The following ESRRG variants were observed in gnomAD, a reference collection of about 807,000 sequenced individuals.
ESRRG encodes the protein estrogen-related receptor gamma.
Under a neutral mutation model 44.0 loss-of-function variants are expected in ESRRG, and 13 were observed. That is an observed-to-expected ratio of 0.30 (90% confidence interval 0.19 to 0.47). ESRRG has a LOEUF of 0.47. ESRRG is among the 20% of genes least tolerant of loss of function. ESRRG has a pLI of 1.00. For synonymous variants in ESRRG, 215 were observed against 214.6 expected (o/e 1.00, Z -0.02); for missense variants, 395 against 580.6 (o/e 0.68, Z 3.29).
intron 2 of ESRRG, among the ~76,000 whole-genome samples, chr1:216,868,496 T>G (rs1411634588): frequency 6.6e-6 from 1 of 152,206 alleles, no homozygotes; most frequent in African/African-American, 2.4e-5. Context: ...TTTACAGTTT[T>G]GGACAGTTAC....
intron 1 of ESRRG, among the ~76,000 whole-genome samples, chr1:217,001,642 G>A (rs773442404): frequency 6.6e-6 from 1 of 152,102 alleles, no homozygotes; most frequent in Non-Finnish European, 1.5e-5. Context: ...TAAGATAACG[G>A]CAAGTCTGGT....
At chr1:216,690,344 A>G (rs2078839399) in intron 1 of ESRRG, among the ~76,000 whole-genome samples, 1 of 152,076 alleles carries the variant, frequency 6.6e-6, no homozygotes, top group Admixed American at 6.6e-5. Flanking sequence ...GATAAATGCA[A>G]TGACATGGCT....
chr1:216,937,045 T>C (rs951870948), intron 2 of ESRRG, among the ~76,000 whole-genome samples: 1 of 152,084 alleles, frequency 6.6e-6, no homozygotes, highest in Non-Finnish European at 1.5e-5. Flanking sequence ...GGTTTTTCCC[T>C]TGTAATTGGT....
chr1:216,955,519 C>T (rs1321155402), intron 1 of ESRRG, among the ~76,000 whole-genome samples: 1 of 149,750 alleles, frequency 6.7e-6, no homozygotes, highest in Non-Finnish European at 1.5e-5. Flanking sequence ...GTAGATATCT[C>T]TTTGATATGC....
At chr1:216,736,696 C>T (rs1394592971) in intron 2 of ESRRG, among the ~76,000 whole-genome samples, 4 of 152,054 alleles carry the variant, frequency 2.6e-5, no homozygotes, top group Non-Finnish European at 4.4e-5. Flanking sequence ...AAGAGGGAAC[C>T]GGTGCAGAGA....
At chr1:217,072,711 T>TG (rs386369651) in intron 1 of ESRRG, among the ~76,000 whole-genome samples, 4 of 72,372 alleles carry the variant, frequency 5.5e-5, no homozygotes, top group African/African-American at 1.5e-4. Flanking sequence ...GGTGTGTGTG[T>TG]TTTTTCTCCT....
At chr1:216,726,747 A>G (rs1209746748), upstream of ESRRG, among the ~76,000 whole-genome samples, 1 of 152,142 alleles carries the variant, frequency 6.6e-6, no homozygotes, top group Non-Finnish European at 1.5e-5. Flanking sequence ...CATAGTTTCA[A>G]TCTCTTCTTC....
At chr1:216,699,613 T>A (rs2080986044) in intron 1 of ESRRG, among the ~76,000 whole-genome samples, 1 of 152,042 alleles carries the variant, frequency 6.6e-6, no homozygotes, top group Admixed American at 6.6e-5. Flanking sequence ...TGGGTGTGAA[T>A]AAGTCATTGT....
chr1:216,770,195 G>A lies in ESRRG; in HGVS notation c.-13-92704C>T, dbSNP rs181510682. Among the ~76,000 whole-genome samples the A allele has an allele frequency of 3.5e-3, 540 of 152,128 alleles. 3 individuals carry two copies. The highest frequency in any genetic ancestry group is 0.012 in the African/African-American group (517 of 41,546). On this transcript the variant is annotated intron_variant, in intron 2 of 7. Transcript: ENST00000359162. ...GTCTTTTGGTGGGCTAATAACTGGA[G>A]TTCAAGGGTGCACATCACTTAGGAA... is the stretch of plus-strand genomic sequence containing the variant.
intron 2 of ESRRG, among the ~76,000 whole-genome samples, chr1:216,757,425 A>C (rs928727473): frequency 5.9e-5 from 9 of 152,106 alleles, no homozygotes; most frequent in African/African-American, 2.2e-4. Flanking sequence ...CTTTTCATTA[A>C]TATATTTCTT....
At chr1:217,087,549 T>G (rs1336872396) in intron 1 of ESRRG, among the ~76,000 whole-genome samples, 2 of 152,148 alleles carry the variant, frequency 1.3e-5, no homozygotes, top group African/African-American at 4.8e-5. Flanking sequence ...CAAACTCCCC[T>G]GGCTCCCCAG....
At position 216,821,517 on chromosome 1, in the gene ESRRG, C is replaced by T. The variant is rs1050864369; in HGVS notation, c.-14+118065G>A. ...CCTTGGCAACATAGTGAGACCCTGTCTCTATAAAAATGTATAAATTAGCCG... is the reference window on the plus strand; with the variant it reads ...CCTTGGCAACATAGTGAGACCCTGTTTCTATAAAAATGTATAAATTAGCCG... On this transcript the variant is annotated intron_variant, in intron 2 of 7. Transcript: ENST00000359162. 3.6e-4 allele frequency among the ~76,000 whole-genome samples: 54 copies of T among 151,322 alleles called. 1 individual carries two copies. Among genetic ancestry groups the T allele is most frequent in the Admixed American group, 3.3e-3 (50 of 15,148 alleles).
intron 1 of ESRRG, among the ~76,000 whole-genome samples, chr1:217,006,255 TATG>T (rs1324867834): frequency 6.6e-6 from 1 of 152,134 alleles, no homozygotes; most frequent in Admixed American, 6.6e-5. Flanking sequence ...AACTGAATAA[TATG>T]ATGATTAGGT....
At chr1:217,080,756 C>A (rs2091693573) in intron 1 of ESRRG, among the ~76,000 whole-genome samples, 1 of 137,134 alleles carries the variant, frequency 7.3e-6, no homozygotes, top group Non-Finnish European at 1.5e-5. Context: ...TGGCTCACTG[C>A]AAGCTTCGCC....
chr1:216,901,440 T>G (rs1293387502), intron 2 of ESRRG, among the ~76,000 whole-genome samples: 3 of 152,150 alleles, frequency 2.0e-5, no homozygotes, highest in East Asian at 3.9e-4. Context: ...TGATCACACC[T>G]CATTGCAGCC....
intron 2 of ESRRG, among the ~76,000 whole-genome samples, chr1:216,913,384 TG>T (rs2060733409): frequency 6.8e-6 from 1 of 148,126 alleles, no homozygotes; most frequent in South Asian, 2.2e-4. Context: ...CGGTCGGGGG[TG>T]GGGGTGGCTA....
chr1:216,681,277 A>C (rs2076982536), intron 1 of ESRRG, among the ~76,000 whole-genome samples: 1 of 152,288 alleles, frequency 6.6e-6, no homozygotes, highest in Middle Eastern at 3.4e-3. Context: ...TTTAGTTTCT[A>C]TATGAGACAC....
intron 5 of ESRRG, among the ~76,000 whole-genome samples, chr1:216,534,577 T>C (rs1558324287): frequency 6.6e-6 from 1 of 152,166 alleles, no homozygotes; most frequent in Non-Finnish European, 1.5e-5. Flanking sequence ...TATTTATACA[T>C]AACTAAAACG....
intron 2 of ESRRG, among the ~76,000 whole-genome samples, chr1:216,873,668 T>C (rs2096292949): frequency 6.6e-6 from 1 of 151,530 alleles, no homozygotes; most frequent in African/African-American, 2.4e-5. Flanking sequence ...CCACATTTTT[T>C]CCACACAGTG....
Sources: allele counts gnomAD v4.1 joint callset (sites outside exome capture counted in the v4.1 genomes callset), GRCh38; gene constraint gnomAD v4.1.1; transcripts MANE v1.5; gene names NCBI Gene and HGNC (gene_info 2026-07-23, HGNC 2026-07-21).